Variants in TLCD3B observed in about 807,000 individuals in gnomAD.
The protein encoded by TLCD3B is ceramide synthase.
A neutral mutation model predicts 23.0 loss-of-function variants in TLCD3B; 9 were observed. That is an observed-to-expected ratio of 0.39 (90% confidence interval 0.24 to 0.68). The LOEUF is 0.68. Among genes scored for constraint, TLCD3B ranks in the 30% least tolerant of loss-of-function variants. The probability of loss-of-function intolerance (pLI) is 0.44; values close to 1 mark genes in which losing one functional copy is unlikely to be tolerated. For synonymous variants in TLCD3B, 161 were observed against 161.0 expected, an observed-to-expected ratio of 1.00 and a Z score of 0.00; for missense variants, 307 against 371.8, an observed-to-expected ratio of 0.83 and a Z score of 1.43.
At chr16:30,037,732 GC>G (rs34498466) in intron 3 of TLCD3B, among the ~76,000 whole-genome samples, 69,133 of 151,484 alleles carry the variant, frequency 0.46, 15,947 homozygotes, top group African/African-American at 0.48. Context: ...GTAAGACCCT[GC>G]CCCCCCAAAA....
intron 1 of TLCD3B, among the ~76,000 whole-genome samples, chr16:30,048,165 C>T (rs572519587): frequency 1.3e-5 from 2 of 150,622 alleles, no homozygotes; most frequent in African/African-American, 4.9e-5. Flanking sequence ...AAAAAACCAC[C>T]ACCAACAACA....
At chr16:30,037,639 A>T (rs959285087) in intron 3 of TLCD3B, among the ~76,000 whole-genome samples, 1 of 152,050 alleles carries the variant, frequency 6.6e-6, no homozygotes, top group South Asian at 2.1e-4. Context: ...GAGGCGAAAG[A>T]ATGGAAAGAA....
upstream of TLCD3B, among the ~76,000 whole-genome samples, chr16:30,032,279 G>A (rs957053157): frequency 1.3e-5 from 2 of 152,168 alleles, no homozygotes; most frequent in Non-Finnish European, 2.9e-5. Flanking sequence ...AGCATGACAA[G>A]GGCCTGTTAT....
chr16:30,038,971 T>C (rs2071526937), intron 3 of TLCD3B, among the ~76,000 whole-genome samples: 1 of 152,006 alleles, frequency 6.6e-6, no homozygotes, highest in Non-Finnish European at 1.5e-5. Context: ...TAGGCAGATA[T>C]AGAAAACATA....
exon 1 of TLCD3B, chr16:30,052,800 C>G (rs1317535009): frequency 6.6e-6 from 1 of 152,212 alleles, no homozygotes; most frequent in Non-Finnish European, 1.5e-5. Flanking sequence ...AGGCGTTTCT[C>G]CCTTTTGCAG....
chr16:30,049,083 C>T (rs1172350732), intron 1 of TLCD3B, among the ~76,000 whole-genome samples: 5 of 151,946 alleles, frequency 3.3e-5, no homozygotes, highest in African/African-American at 1.2e-4. Flanking sequence ...AGGTTTTTTT[C>T]GTTTTGTTTC....
chr16:30,025,481 G>A lies in TLCD3B; in HGVS notation c.541-14C>T, dbSNP rs758061725. On this transcript the variant is annotated splice_polypyrimidine_tract_variant and intron_variant, in intron 4 of 4. Transcript: ENST00000380495. The surrounding 1 kb of genome is among the most constrained non-coding windows in gnomAD (Gnocchi z 4.1). ...CTGCTGCTTGTACTGAGGAGACACA[G>A]ACACAGTGGCCACGGCAGCAGAAGG... 9.3e-6 allele frequency: 15 copies of A among 1,610,714 alleles called. No homozygotes were observed. The highest frequency in any genetic ancestry group is 1.3e-5 in the Non-Finnish European group (15 of 1,178,906).
intron 1 of TLCD3B, among the ~76,000 whole-genome samples, chr16:30,047,177 C>T (rs1246727373): frequency 2.0e-5 from 3 of 152,026 alleles, no homozygotes; most frequent in African/African-American, 7.2e-5. Flanking sequence ...GTCTATCTAT[C>T]TATCTATCTA....
chr16:30,027,688 C>T (rs560131894), intron 2 of TLCD3B: 10 of 454,996 alleles, frequency 2.2e-5, no homozygotes, highest in African/African-American at 8.0e-5. Context: ...TAAACAAAAA[C>T]GAGAAATGGA....
In TLCD3B at chr16:30,025,438, C is replaced by T; in HGVS notation, c.570G>A (p.Lys190=). The T allele has an allele frequency of 6.2e-7, 1 of 1,612,744 alleles. No homozygotes were observed. ...TGAGCAGCATCAGGGCCCCGTTCAC[C>T]TTGTGCAGCAGTGTGTGCTGCTGCT... is the stretch of plus-strand genomic sequence containing the variant. ...QYKQQHTLLH[K]VNGALMLLSF... The change falls in exon 5 of 5, where the codon AAG becomes AAA. Residue 190 remains lysine, a synonymous_variant. Transcript: ENST00000380495. This position sits in a 1 kb window ranked among gnomAD's most constrained non-coding sequence, Gnocchi z 4.1.
chr16:30,028,374 AG>A (rs1372077281), intron 2 of TLCD3B, among the ~76,000 whole-genome samples: 1 of 151,974 alleles, frequency 6.6e-6, no homozygotes, highest in Non-Finnish European at 1.5e-5. Context: ...GAACAGACAC[AG>A]GGGGGCCTGG....
At position 30,043,851 on chromosome 16, in the gene TLCD3B, A is replaced by C. The variant is rs114672880; in HGVS notation, c.-229+2472T>G. Among the ~76,000 whole-genome samples, 1,432 of 150,240 alleles carry C rather than the reference A, an allele frequency of 9.5e-3. 16 individuals carry two copies. The highest frequency in any genetic ancestry group is 0.033 in the African/African-American group (1,342 of 40,836). On this transcript the variant is annotated intron_variant, in intron 2 of 6. Transcript: ENST00000561666. ...GGCAAGCCACCACCATGCACGGCTAATTTTTTGTATTTTTGGTAGAGACAG... is the reference window on the plus strand; with the variant it reads ...GGCAAGCCACCACCATGCACGGCTACTTTTTTGTATTTTTGGTAGAGACAG...
At chr16:30,040,026 C>T (rs1174380367) in intron 3 of TLCD3B, among the ~76,000 whole-genome samples, 2 of 151,074 alleles carry the variant, frequency 1.3e-5, no homozygotes, top group Non-Finnish European at 2.9e-5. Flanking sequence ...CTCAATCACT[C>T]AGGAGGCTGA....
chr16:30,035,180 G>T, upstream of TLCD3B: 2 of 676,522 alleles, frequency 3.0e-6, no homozygotes, highest in Non-Finnish European at 4.2e-6. Context: ...CCAAAGTGCT[G>T]GAATTATAGG....
intron 3 of TLCD3B, among the ~76,000 whole-genome samples, chr16:30,039,896 G>A (rs796807696): frequency 2.0e-5 from 3 of 152,010 alleles, no homozygotes; most frequent in African/African-American, 7.2e-5. Context: ...CACTTTGGGA[G>A]GCAGAAGGGG....
At chr16:30,045,433 G>A (rs1004354080) in intron 2 of TLCD3B, among the ~76,000 whole-genome samples, 5 of 142,412 alleles carry the variant, frequency 3.5e-5, no homozygotes, top group Non-Finnish European at 6.1e-5. Context: ...TAGTGTGTGT[G>A]GTGTGTGTGT....
intron 2 of TLCD3B, among the ~76,000 whole-genome samples, chr16:30,043,774 G>T (rs567619229): frequency 5.3e-5 from 8 of 150,234 alleles, no homozygotes; most frequent in Admixed American, 1.3e-4. Flanking sequence ...ACCTCCATTT[G>T]CCAGGCTCAA....
In TLCD3B at chr16:30,026,699, C is replaced by T. The variant is rs373625205; in HGVS notation, c.354G>A (p.Thr118=). The T allele has an allele frequency of 2.0e-5, 32 of 1,613,878 alleles. 1 individual carries two copies. Among genetic ancestry groups the T allele is most frequent in the Non-Finnish European group, 2.4e-5 (28 of 1,180,032 alleles). Reference sequence around the variant, plus strand: ...GCAGGTAGCCACGCGCTATGGCCCACGTGCTGCCCGGGGCTCTGGCCGCTC... The same window carrying T: ...GCAGGTAGCCACGCGCTATGGCCCATGTGCTGCCCGGGGCTCTGGCCGCTC... ...DDGAARAPGS[T]WAIARGYLHK... The change falls in exon 3 of 5, where the codon ACG becomes ACA. Residue 118 remains threonine, a synonymous_variant. Transcript: ENST00000380495.
At chr16:30,027,943 G>C (rs1277154691) in intron 2 of TLCD3B, among the ~76,000 whole-genome samples, 1 of 152,204 alleles carries the variant, frequency 6.6e-6, no homozygotes, top group Non-Finnish European at 1.5e-5. Context: ...GGAGCCTGAG[G>C]CAGGCGGCCT....
Sources: gnomAD v4.1 joint callset for allele counts (sites outside exome capture counted in the v4.1 genomes callset) on GRCh38, gnomAD v4.1.1 for gene constraint, Gnocchi (gnomAD v3.1) non-coding constraint, MANE v1.5 for transcripts, NCBI Gene and HGNC (gene_info 2026-07-23, HGNC 2026-07-21) for gene names.